The following DCHS2 variants were observed in gnomAD, a reference collection of about 807,000 sequenced individuals.
DCHS2 encodes the protein protocadherin-23.
Under a neutral mutation model 182.4 loss-of-function variants are expected in DCHS2, and 142 were observed. The ratio of observed to expected loss-of-function variants is 0.78; its 90% CI spans 0.68 to 0.89. The LOEUF (loss-of-function observed/expected upper bound fraction) is 0.89. Ranked by LOEUF, DCHS2 falls within the 40% of genes least tolerant of loss-of-function variation. The pLI is 0.00. For synonymous variants in DCHS2, 1,740 were observed against 1,663.3 expected (o/e 1.05, Z -1.12); for missense variants, 4,319 against 4,198.6 (o/e 1.03, Z -0.79).
At chr4:154,239,422 C>T in intron 18 of DCHS2, 120 bp from the exon 19 acceptor site, 1 of 1,453,308 alleles carries the variant, frequency 6.9e-7, no homozygotes, top group Non-Finnish European at 9.3e-7. Flanking sequence ...ACAATACAAC[C>T]TGACTTTGTT....
chr4:154,329,721 C>T lies in DCHS2; in HGVS notation c.3731-11G>A. The T allele has an allele frequency of 6.2e-7, 1 of 1,605,800 alleles. No individual in the cohort carries two copies. On this transcript the variant is annotated splice_polypyrimidine_tract_variant and intron_variant, in intron 5 of 19. Coordinates refer to ENST00000357232, the MANE Select transcript of DCHS2 (RefSeq NM_001358235.2). ...AATTGATTAACTCTCCTGCAGAGTA[C>T]AGAGCAGAACAAGACACAGGCACTG...
chr4:154,428,020 C>T (rs1435133329), intron 1 of DCHS2, among the ~76,000 whole-genome samples: 3 of 152,124 alleles, frequency 2.0e-5, no homozygotes, highest in African/African-American at 7.2e-5. Context: ...TGGAGCCATG[C>T]CATGTGGTTC....
In DCHS2 at chr4:154,305,118, G is replaced by A. The variant is rs1735391533; in HGVS notation, c.5374C>T (p.Gln1792Ter). 6.2e-7 allele frequency: 1 copy of A among 1,610,358 alleles called. No individual in the cohort carries two copies. The highest frequency in any genetic ancestry group is 8.5e-7 in the Non-Finnish European group (1 of 1,178,978). Residue 1792 changes from glutamine (Q) to a stop codon, truncating the protein, a stop_gained, in exon 11 of 20, where the codon CAA becomes TAA. Transcript: ENST00000357232. LOFTEE classifies it high-confidence loss of function. The stretch of plus-strand genomic sequence containing the variant: ...TTACCTCGAAGGGTGAAGACTTCTT[G>A]AATTTCTCTGTCAAGTATGGTGGTT... ...VTTTILDREI[Q>*]EVFTLRVLVR...
intron 1 of DCHS2, among the ~76,000 whole-genome samples, chr4:154,468,970 A>C (rs149088256): frequency 1.5e-3 from 234 of 152,290 alleles, no homozygotes; most frequent in Middle Eastern, 0.014. Context: ...TGAATATGTT[A>C]ATTAGCCTAA....
intron 14 of DCHS2, among the ~76,000 whole-genome samples, chr4:154,263,629 C>T (rs1303659059): frequency 6.7e-6 from 1 of 148,896 alleles, no homozygotes; most frequent in African/African-American, 2.5e-5. Flanking sequence ...ATAGGAAAAA[C>T]TAGCATAAAG....
rs1419168891 is a variant in DCHS2, at chr4:154,233,913, T to G, written c.*623A>C. On this transcript the variant is annotated 3_prime_UTR_variant, in exon 20 of 20. Transcript: ENST00000357232. ...GTTTCTCCCTATTGTCACAGAGTTA[T>G]GACAAATTTCCTTCTGAATTTTTTA... 1 of 152,208 alleles carries G rather than the reference T, an allele frequency of 6.6e-6. No individual in the cohort carries two copies. The highest frequency in any genetic ancestry group is 1.5e-5 in the Non-Finnish European group (1 of 68,032). 9.4% of individuals were successfully genotyped at this position (152,208 alleles called of 1,614,324 possible).
intron 1 of DCHS2, among the ~76,000 whole-genome samples, chr4:154,485,797 G>T (rs558376153): frequency 1.3e-5 from 2 of 152,188 alleles, no homozygotes; most frequent in Non-Finnish European, 2.9e-5. Context: ...CTCAATGCTG[G>T]AGTTATACTT....
chr4:154,366,707 G>A (rs951375066), intron 2 of DCHS2, among the ~76,000 whole-genome samples: 8 of 151,910 alleles, frequency 5.3e-5, no homozygotes, highest in Admixed American at 3.3e-4. Context: ...CAACTTTGAT[G>A]TATGAATTCA....
At chr4:154,326,801 T>A (rs1242867102) in intron 7 of DCHS2, among the ~76,000 whole-genome samples, 1 of 152,182 alleles carries the variant, frequency 6.6e-6, no homozygotes, top group African/African-American at 2.4e-5. Context: ...ATTTTATAAA[T>A]TAAGACTGGG....
At chr4:154,438,065 G>A (rs1001851242) in intron 1 of DCHS2, among the ~76,000 whole-genome samples, 3 of 152,120 alleles carry the variant, frequency 2.0e-5, no homozygotes, top group African/African-American at 7.2e-5. Flanking sequence ...CAGTCCCCCT[G>A]TATACTTCCT....
chr4:154,311,022 A>G (rs1422316076), intron 10 of DCHS2, among the ~76,000 whole-genome samples: 1 of 148,954 alleles, frequency 6.7e-6, no homozygotes, highest in East Asian at 2.0e-4. Flanking sequence ...CACAAAGCCT[A>G]AAATATTTAC....
chr4:154,243,603 G>T (rs1283493355), intron 16 of DCHS2, among the ~76,000 whole-genome samples: 1 of 152,042 alleles, frequency 6.6e-6, no homozygotes, highest in Non-Finnish European at 1.5e-5. Flanking sequence ...GCTTTGTCTG[G>T]GAGTGAAGAA....
intron 13 of DCHS2, among the ~76,000 whole-genome samples, chr4:154,272,523 G>A (rs561383016): frequency 6.6e-6 from 1 of 152,180 alleles, no homozygotes; most frequent in South Asian, 2.1e-4. Context: ...CTGTTCTCAT[G>A]ATAGTGAGTG....
Position 154,242,664 on chromosome 4 carries a change from A to G in DCHS2, c.7050T>C (p.Ser2350=), listed in dbSNP as rs745788109. Residue 2350 remains serine (S), a synonymous_variant, in exon 17 of 20, where the codon TCT becomes TCC. Transcript: ENST00000357232. The part of the protein sequence containing the change: ...INDNAPAFLP[S]EAVEITEDSL... ...TACCTTCTGTAATTTCCACTGCTTC[A>G]GAGGGGAGAAAAGCTGGGGCATTGT... 1 of 1,612,558 alleles carries G rather than the reference A, an allele frequency of 6.2e-7. No individual in the cohort carries two copies.
intron 1 of DCHS2, among the ~76,000 whole-genome samples, chr4:154,380,368 T>C (rs1359382331): frequency 6.6e-6 from 1 of 152,132 alleles, no homozygotes; most frequent in Non-Finnish European, 1.5e-5. Context: ...ATTTCCCCAC[T>C]ACAAAGAACT....
intron 15 of DCHS2, 74 bp downstream of exon 15, chr4:154,259,471 T>A: frequency 2.1e-6 from 3 of 1,414,354 alleles, no homozygotes; most frequent in Non-Finnish European, 2.9e-6. Context: ...CTTGTAATAA[T>A]TCTCTCTCTC....
intron 1 of DCHS2, among the ~76,000 whole-genome samples, chr4:154,407,403 G>T (rs896927666): frequency 6.6e-6 from 1 of 152,160 alleles, no homozygotes; most frequent in Non-Finnish European, 1.5e-5. Context: ...AGCCTCTCAG[G>T]TATGTGGTGG....
At chr4:154,426,397 T>C (rs1298496794) in intron 1 of DCHS2, among the ~76,000 whole-genome samples, 1 of 152,194 alleles carries the variant, frequency 6.6e-6, no homozygotes, top group Admixed American at 6.6e-5. Flanking sequence ...TTTCTCACTT[T>C]GCAGTCTTTA....
Position 154,259,721 on chromosome 4 carries a change from AAT to A in DCHS2, c.6611_6612del (p.Asp2204ValfsTer2), listed in dbSNP as rs770617055. On this transcript the variant is annotated frameshift_variant, in exon 15 of 20. Transcript: ENST00000357232. LOFTEE classifies it high-confidence loss of function. ...AGTTGAACCTCATTTCTGACTTCAA[AAT>A]CAAGAAACTTGGGTTCTTTCACAGT... ...QLTVKEPKFL[D>X]FEVRNEVQLI... 1.4e-5 allele frequency: 23 copies of A among 1,613,894 alleles called. No homozygotes were observed. The highest frequency in any genetic ancestry group is 5.3e-5 in the African/African-American group (4 of 74,914).
Sources: gnomAD v4.1 joint callset for allele counts (sites outside exome capture counted in the v4.1 genomes callset) on GRCh38, gnomAD v4.1.1 for gene constraint, MANE v1.5 for transcripts, NCBI Gene and HGNC (gene_info 2026-07-23, HGNC 2026-07-21) for gene names.